Variants in AKT2 observed in about 807,000 individuals in gnomAD.
The protein encoded by AKT2 is RAC-beta serine/threonine-protein kinase.
Under a neutral mutation model 58.6 loss-of-function variants are expected in AKT2, and 16 were observed. The ratio of observed to expected loss-of-function variants is 0.27; its 90% CI spans 0.18 to 0.41. The LOEUF (loss-of-function observed/expected upper bound fraction) is 0.41, where lower values mean the gene tolerates loss of function less well. Among genes scored for constraint, AKT2 ranks in the 10% least tolerant of loss-of-function variants. The pLI is 1.00. For synonymous variants in AKT2, 253 were observed against 254.0 expected (o/e 1.00, Z 0.04); for missense variants, 438 against 661.0 (o/e 0.66, Z 3.70).
At chr19:40,280,917 T>G (rs2077411737) in intron 1 of AKT2, 1 of 152,380 alleles carries the variant, frequency 6.6e-6, no homozygotes, top group African/African-American at 2.4e-5. Flanking sequence ...TTAACCTGTT[T>G]CGGGTTGGTC....
At chr19:40,245,269 T>G (rs2145224087) in intron 4 of AKT2, among the ~76,000 whole-genome samples, 1 of 152,222 alleles carries the variant, frequency 6.6e-6, no homozygotes, top group Admixed American at 6.5e-5. Flanking sequence ...ATGGGCAAGG[T>G]AGCTCACTCA....
chr19:40,266,620 C>G (rs1976374731), intron 1 of AKT2, among the ~76,000 whole-genome samples: 1 of 152,138 alleles, frequency 6.6e-6, no homozygotes, highest in East Asian at 1.9e-4. Flanking sequence ...AACCCAAGCA[C>G]ACAGGACTGC....
chr19:40,241,953 T>C lies in AKT2; in HGVS notation c.558A>G (p.Glu186=), dbSNP rs767419512. 1 of 1,614,138 alleles carries C rather than the reference T, an allele frequency of 6.2e-7. No homozygotes were observed. Among genetic ancestry groups the C allele is most frequent in the South Asian group, 1.1e-5 (1 of 91,090 alleles). Residue 186 remains glutamate, a synonymous_variant, in exon 6 of 14, where the codon GAA becomes GAG. Transcript: ENST00000392038. Reference sequence around the variant, plus strand: ...GGGCACGCACCTTGGCAATGATGACTTCCTTCCGCAGGATCTTCATGGCGT... The same window carrying C: ...GGGCACGCACCTTGGCAATGATGACCTCCTTCCGCAGGATCTTCATGGCGT... ...RYYAMKILRK[E]VIIAKDEVAH...
Position 40,235,188 on chromosome 19 carries a change from A to G in AKT2, c.1264-41T>C. 1.2e-6 allele frequency: 2 copies of G among 1,609,458 alleles called. No homozygotes were observed. Among genetic ancestry groups the G allele is most frequent in the Non-Finnish European group, 1.7e-6 (2 of 1,175,786 alleles). ...GCTCAGGCTCAGGGACCCTGAGGCC[A>G]GGAGGCCTCAACCAAGGTCACCACG... On this transcript the variant is annotated intron_variant, in intron 12 of 13. Coordinates refer to ENST00000392038, the MANE Select transcript of AKT2 (RefSeq NM_001626.6). This position sits in a 1 kb window ranked among gnomAD's most constrained non-coding sequence, Gnocchi z 6.3.
chr19:40,265,477 G>A (rs779524157), intron 1 of AKT2, 126 bp from the exon 2 acceptor site: 1 of 1,325,404 alleles, frequency 7.5e-7, no homozygotes, highest in Non-Finnish European at 1.0e-6. Flanking sequence ...GGCCAGCAAG[G>A]GTGGCGTGGA....
rs1351103130 is a variant in AKT2 at position 40,234,573 on chromosome 19, T to C, written c.1366+472A>G. The C allele has an allele frequency of 5.2e-6, 2 of 383,198 alleles. No individual in the cohort carries two copies. Among genetic ancestry groups the C allele is most frequent in the South Asian group, 1.2e-4 (2 of 16,204 alleles). 23.7% of individuals were successfully genotyped at this position (383,198 alleles called of 1,614,324 possible). A position where few individuals can be genotyped will look rare whatever the true frequency, so the allele number is the denominator to read the frequency against. ...CCTCCTCTAGAAAGCCCTCCCTAAC[T>C]GCAGGCCAGGTCGGATATTTCCTCT... On this transcript the variant is annotated intron_variant, in intron 13 of 13. Transcript: ENST00000392038. The surrounding 1 kb of genome is among the most constrained non-coding windows in gnomAD (Gnocchi z 4.7).
chr19:40,267,096 C>A (rs776940134), intron 1 of AKT2, among the ~76,000 whole-genome samples: 7 of 152,158 alleles, frequency 4.6e-5, no homozygotes, highest in Non-Finnish European at 7.3e-5. Context: ...CCCACCTCTT[C>A]CCCGAGTTCC....
At chr19:40,274,897 G>GT (rs966645995) in intron 1 of AKT2, 30 of 361,644 alleles carry the variant, frequency 8.3e-5, no homozygotes, top group African/African-American at 5.3e-4. Context: ...GAGCTGGGGA[G>GT]TGGGGGAGGG....
Position 40,236,075 on chromosome 19 carries a change from G to C in AKT2, c.990C>G (p.Ala330=), listed in dbSNP as rs188710541. The C allele has an allele frequency of 1.2e-6, 2 of 1,614,108 alleles. No individual in the cohort carries two copies. The highest frequency in any genetic ancestry group is 1.7e-6 in the Non-Finnish European group (2 of 1,180,020). Residue 330 remains alanine, a synonymous_variant, in exon 11 of 14, where the codon GCC becomes GCG. Coordinates refer to ENST00000392038, the MANE Select transcript of AKT2 (RefSeq NM_001626.6). ...CCACACCCAGCCCCCACCAGTCCACGGCCCGGCCATAGTCATTGTCCTCCA... is the reference window on the plus strand; with the variant it reads ...CCACACCCAGCCCCCACCAGTCCACCGCCCGGCCATAGTCATTGTCCTCCA... ...EVLEDNDYGR[A]VDWWGLGVVM...
chr19:40,237,060 C>T lies in AKT2; in HGVS notation c.832-675G>A, dbSNP rs1974077104. The stretch of plus-strand genomic sequence containing the variant: ...GACACACCTGTGAACTGTGGACTCA[C>T]CTCCTCTGTGCGGCTTTCCCTCGAC... On this transcript the variant is annotated intron_variant, in intron 9 of 13. Coordinates refer to ENST00000392038, the MANE Select transcript of AKT2 (RefSeq NM_001626.6). This position sits in a 1 kb window ranked among gnomAD's most constrained non-coding sequence, Gnocchi z 4.5. 1 of 160,402 alleles carries T rather than the reference C, an allele frequency of 6.2e-6. No homozygotes were observed. Among genetic ancestry groups the T allele is most frequent in the Non-Finnish European group, 1.4e-5 (1 of 72,912 alleles). 9.9% of individuals were successfully genotyped at this position (160,402 alleles called of 1,614,324 possible).
intron 1 of AKT2, chr19:40,266,178 C>G (rs570874838): frequency 6.6e-6 from 1 of 152,364 alleles, no homozygotes; most frequent in African/African-American, 2.4e-5. Flanking sequence ...GGGAGGAGGG[C>G]GCGAGGCAGC....
At chr19:40,241,699 G>A (rs946149507) in intron 6 of AKT2, 22 of 584,258 alleles carry the variant, frequency 3.8e-5, no homozygotes, top group Admixed American at 2.1e-4. Context: ...GTGGGGCCCC[G>A]AGGCTCTCTC....
At chr19:40,281,195 T>C (rs1229808515) in intron 1 of AKT2, among the ~76,000 whole-genome samples, 1 of 152,154 alleles carries the variant, frequency 6.6e-6, no homozygotes, top group Admixed American at 6.5e-5. Flanking sequence ...AGCTGTGAGC[T>C]GTGGTGGGCT....
Position 40,232,631 on chromosome 19 carries a change from AC to A in AKT2, c.*1240del. 4.3e-6 allele frequency: 1 copy of A among 233,024 alleles called. No homozygotes were observed. Among genetic ancestry groups the A allele is most frequent in the Non-Finnish European group, 8.5e-6 (1 of 118,078 alleles). The allele number at this position is 233,024 out of a possible 1,614,324, so 14.4% of individuals were successfully genotyped here. A position where few individuals can be genotyped will look rare whatever the true frequency, so the allele number is the denominator to read the frequency against. ...GTGGGGCTCCTCCCACTAGGTCAGC[AC>A]CCCTCCCCCACAGGATGAAATGCTC... On this transcript the variant is annotated 3_prime_UTR_variant, in exon 14 of 14. Transcript: ENST00000392038.
In AKT2 at chr19:40,230,935, C is replaced by G. The variant is rs1973671572; in HGVS notation, c.*2937G>C. 1 of 189,232 alleles carries G rather than the reference C, an allele frequency of 5.3e-6. No individual in the cohort carries two copies. 11.7% of individuals were successfully genotyped at this position (189,232 alleles called of 1,614,324 possible). ...TGAAGGTCTCCCTATGATGCCCAGG[C>G]TGGTCTCGAACCCCTGGCCTCAAGA... On this transcript the variant is annotated 3_prime_UTR_variant, in exon 14 of 14. Transcript: ENST00000392038.
intron 2 of AKT2, among the ~76,000 whole-genome samples, chr19:40,263,600 C>G (rs911360141): frequency 1.3e-5 from 2 of 152,208 alleles, no homozygotes; most frequent in African/African-American, 4.8e-5. Flanking sequence ...CAGGCTCAGG[C>G]TGGGGGACTG....
intron 1 of AKT2, among the ~76,000 whole-genome samples, chr19:40,278,825 T>G (rs2077372776): frequency 6.6e-6 from 1 of 151,942 alleles, no homozygotes; most frequent in Non-Finnish European, 1.5e-5. Context: ...GGTTCCCGTT[T>G]ACAGCTGAGC....
At chr19:40,274,324 G>A (rs2077270551) in intron 1 of AKT2, 1 of 153,420 alleles carries the variant, frequency 6.5e-6, no homozygotes, top group South Asian at 2.0e-4. Flanking sequence ...GTGGTGAACA[G>A]AACCACAGCA....
At chr19:40,269,584 C>T (rs139644838) in intron 1 of AKT2, 4 of 152,242 alleles carry the variant, frequency 2.6e-5, no homozygotes, top group East Asian at 3.9e-4. Flanking sequence ...GCCTATCCCA[C>T]GACCTAGCAA....
Sources: gnomAD v4.1 joint callset for allele counts (sites outside exome capture counted in the v4.1 genomes callset) on GRCh38, gnomAD v4.1.1 for gene constraint, Gnocchi (gnomAD v3.1) non-coding constraint, MANE v1.5 for transcripts, NCBI Gene and HGNC (gene_info 2026-07-23, HGNC 2026-07-21) for gene names.